The following SERPING1 variants were observed in gnomAD, a reference collection of about 807,000 sequenced individuals.
SERPING1 encodes the protein plasma protease C1 inhibitor.
In SERPING1, 5 loss-of-function variants were observed where a neutral mutation model predicts 34.1. The observed-to-expected ratio is 0.15, with a 90% CI of 0.08 to 0.31. SERPING1 has a LOEUF of 0.31. Ranked by LOEUF, SERPING1 falls within the 10% of genes least tolerant of loss-of-function variation. The pLI is 1.00. For synonymous variants in SERPING1, 225 were observed against 242.4 expected, an observed-to-expected ratio of 0.93 and a Z score of 0.67; for missense variants, 505 against 609.5, an observed-to-expected ratio of 0.83 and a Z score of 1.81.
Position 57,606,230 on chromosome 11 carries a change from C to T in SERPING1, c.889+17C>T. On this transcript the variant is annotated intron_variant, in intron 5 of 7. Coordinates refer to ENST00000278407, the MANE Select transcript of SERPING1 (RefSeq NM_000062.3). ...ACCTGAGTGGTAAGGGTGCCCTTAG[C>T]CAGTTAGTCTTCCCATTCTGGGTCC... 1 of 1,613,920 alleles carries T rather than the reference C, an allele frequency of 6.2e-7. No individual in the cohort carries two copies. Among genetic ancestry groups the T allele is most frequent in the Non-Finnish European group, 8.5e-7 (1 of 1,179,784 alleles).
chr11:57,606,846 C>T, intron 6 of SERPING1: 1 of 619,152 alleles, frequency 1.6e-6, no homozygotes, highest in East Asian at 3.4e-5. Context: ...TTCCAGTCAA[C>T]TCATCAGAAG....
chr11:57,605,873 G>C, intron 4 of SERPING1, 137 bp from the exon 5 acceptor site: 1 of 852,220 alleles, frequency 1.2e-6, no homozygotes, highest in Non-Finnish European at 2.0e-6. Context: ...AGAGGAGTGG[G>C]CTGGACCGCG....
chr11:57,601,929 C>A, intron 3 of SERPING1, 106 bp from the exon 4 acceptor site: 1 of 1,169,748 alleles, frequency 8.5e-7, no homozygotes, highest in Non-Finnish European at 1.2e-6. Flanking sequence ...TGATCCCCTC[C>A]AAAGCAGGGA....
In SERPING1 at chr11:57,606,394, C is replaced by A; in HGVS notation, c.890-14C>A. ...TACCTGCATTAGAGCAACCCTCCCACCTCTTCCCTCTAGCCAAGTGGAAGA... is the reference window on the plus strand; with the variant it reads ...TACCTGCATTAGAGCAACCCTCCCAACTCTTCCCTCTAGCCAAGTGGAAGA... On this transcript the variant is annotated splice_polypyrimidine_tract_variant and intron_variant, in intron 5 of 7. Transcript: ENST00000278407. 6.2e-7 allele frequency: 1 copy of A among 1,614,138 alleles called. No individual in the cohort carries two copies. Among genetic ancestry groups the A allele is most frequent in the Non-Finnish European group, 8.5e-7 (1 of 1,180,000 alleles).
intron 4 of SERPING1, among the ~76,000 whole-genome samples, chr11:57,602,829 T>A (rs897007643): frequency 1.4e-5 from 2 of 148,086 alleles, no homozygotes; most frequent in Admixed American, 1.4e-4. Context: ...GCATGGTGGC[T>A]CTCATCTGTA....
chr11:57,603,546 C>CA (rs1280806982), intron 4 of SERPING1, among the ~76,000 whole-genome samples: 48 of 130,540 alleles, frequency 3.7e-4, no homozygotes, highest in Middle Eastern at 5.0e-3. Flanking sequence ...GACTCTGTCT[C>CA]AAAAAAAAAA....
intron 6 of SERPING1, 39 bp downstream of exon 6, chr11:57,606,586 C>T: frequency 6.8e-6 from 11 of 1,611,748 alleles, no homozygotes; most frequent in Non-Finnish European, 9.3e-6. Context: ...TTGAAACCTA[C>T]TTGAGTCTCC....
At position 57,606,131 on chromosome 11, in the gene SERPING1, C is replaced by T. The variant is rs1945406331; in HGVS notation, c.807C>T (p.Asn269=). ...TCATCAACACCTGGGTGGCCAAGAA[C>T]ACCAACAACAAGATCAGCCGGCTGC... ...LELINTWVAK[N]TNNKISRLLD... The change falls in exon 5 of 8, where the codon AAC becomes AAT. Residue 269 remains asparagine, a synonymous_variant. Coordinates refer to ENST00000278407, the MANE Select transcript of SERPING1 (RefSeq NM_000062.3). The T allele has an allele frequency of 6.2e-7, 1 of 1,614,148 alleles. No individual in the cohort carries two copies. The highest frequency in any genetic ancestry group is 8.5e-7 in the Non-Finnish European group (1 of 1,180,032).
intron 4 of SERPING1, 103 bp from the exon 5 acceptor site, chr11:57,605,907 G>C (rs1274595487): frequency 9.1e-7 from 1 of 1,096,560 alleles, no homozygotes; most frequent in Non-Finnish European, 1.4e-6. Flanking sequence ...TATTCACTAA[G>C]TGAGCAGATA....
chr11:57,609,569 G>A (rs1945455784), intron 6 of SERPING1, among the ~76,000 whole-genome samples: 1 of 151,480 alleles, frequency 6.6e-6, no homozygotes, highest in African/African-American at 2.4e-5. Context: ...GACAGAGTGA[G>A]ACCTTGTCTC....
chr11:57,610,344 C>T (rs1389359241), intron 6 of SERPING1, among the ~76,000 whole-genome samples: 1 of 152,118 alleles, frequency 6.6e-6, no homozygotes, highest in Non-Finnish European at 1.5e-5. Context: ...CTTGAAAATT[C>T]AAGACCACAG....
At chr11:57,598,774 G>A (rs901962558) in intron 2 of SERPING1, among the ~76,000 whole-genome samples, 2 of 152,094 alleles carry the variant, frequency 1.3e-5, no homozygotes, top group Non-Finnish European at 2.9e-5. Context: ...CCAGGCTAGG[G>A]CCTGTGAAGA....
intron 4 of SERPING1, among the ~76,000 whole-genome samples, chr11:57,604,873 C>T (rs1590825722): frequency 2.0e-5 from 3 of 151,616 alleles, no homozygotes; most frequent in South Asian, 4.2e-4. Context: ...GGGTGTGGTA[C>T]GTGTCTGTAG....
Position 57,600,316 on chromosome 11 carries a change from G to A in SERPING1, c.489G>A (p.Val163=). 1 of 1,613,612 alleles carries A rather than the reference G, an allele frequency of 6.2e-7. No individual in the cohort carries two copies. The highest frequency in any genetic ancestry group is 8.5e-7 in the Non-Finnish European group (1 of 1,180,030). The change falls in exon 3 of 8, where the codon GTG becomes GTA. Residue 163 remains valine, a synonymous_variant. Coordinates refer to ENST00000278407, the MANE Select transcript of SERPING1 (RefSeq NM_000062.3). ...LYHAFSAMKK[V]ETNMAFSPFS... is the part of the protein sequence containing the mutation. ...ACGCCTTCTCAGCAATGAAGAAGGT[G>A]GAGACCAACATGGCCTTTTCCCCAT...
intron 4 of SERPING1, among the ~76,000 whole-genome samples, chr11:57,604,867 G>A (rs1945391163): frequency 6.6e-6 from 1 of 151,934 alleles, no homozygotes; most frequent in South Asian, 2.1e-4. Context: ...TTATCCGGGT[G>A]TGGTACGTGT....
At chr11:57,610,967 G>A (rs1054036603) in intron 6 of SERPING1, among the ~76,000 whole-genome samples, 1 of 151,542 alleles carries the variant, frequency 6.6e-6, no homozygotes, top group African/African-American at 2.4e-5. Flanking sequence ...ATGGAGTCTC[G>A]CTCTGTCACC....
In SERPING1 at chr11:57,611,580, C is replaced by T. The variant is rs1945476426; in HGVS notation, c.1030-137C>T. 9 of 858,544 alleles carry T rather than the reference C, an allele frequency of 1.0e-5. No individual in the cohort carries two copies. The Admixed American group carries it at 1.2e-4, about 12-fold the overall frequency. The allele number at this position is 858,544 out of a possible 1,614,324, so 53.2% of individuals were successfully genotyped here. On this transcript the variant is annotated intron_variant, in intron 6 of 7. Transcript: ENST00000278407. ...TGGTATCCCCATTTCATGGTAAAGCCTGGAAGCTTAGGTCTGACTGATGCT... is the reference window on the plus strand; with the variant it reads ...TGGTATCCCCATTTCATGGTAAAGCTTGGAAGCTTAGGTCTGACTGATGCT...
Position 57,611,945 on chromosome 11 carries a change from T to C in SERPING1, c.1249+9T>C. 6.2e-7 allele frequency: 1 copy of C among 1,610,742 alleles called. No homozygotes were observed. The highest frequency in any genetic ancestry group is 8.5e-7 in the Non-Finnish European group (1 of 1,177,354). On this transcript the variant is annotated intron_variant, in intron 7 of 7. Coordinates refer to ENST00000278407, the MANE Select transcript of SERPING1 (RefSeq NM_000062.3). ...AATCATGGAGAAATTGGGTGAGCTC[T>C]GGCAGCTTAGGGTTACTCCCAGGCC...
In SERPING1 at chr11:57,611,901, C is replaced by G; in HGVS notation, c.1214C>G (p.Thr405Ser). ...ACACTACCCCGCATCAAAGTGACGA[C>G]CAGCCAGGATATGCTCTCAATCATG... ...LLTLPRIKVT[T>S]SQDMLSIMEK... The change falls in exon 7 of 8, where the codon ACC (threonine) becomes AGC (serine). Residue 405 changes from threonine (T) to serine (S), a missense_variant. Transcript: ENST00000278407. 6.2e-7 allele frequency: 1 copy of G among 1,614,140 alleles called. No individual in the cohort carries two copies. The highest frequency in any genetic ancestry group is 8.5e-7 in the Non-Finnish European group (1 of 1,180,032).
Sources: allele counts gnomAD v4.1 joint callset (sites outside exome capture counted in the v4.1 genomes callset), GRCh38; gene constraint gnomAD v4.1.1; transcripts MANE v1.5; gene names NCBI Gene and HGNC (gene_info 2026-07-23, HGNC 2026-07-21).